LMNTD1: variants seen among roughly 807,000 people sequenced by gnomAD.
LMNTD1 encodes lamin tail domain-containing protein 1.
LMNTD1 carries 35 observed loss-of-function variants against 50.9 expected under a neutral mutation model. That is an observed-to-expected ratio of 0.69 (90% CI 0.53 to 0.91). The LOEUF is 0.91. LMNTD1 is among the 40% of genes least tolerant of loss of function. The pLI, the probability that LMNTD1 is intolerant of heterozygous loss-of-function variation, is 0.00. For missense variants in LMNTD1, 470 were observed against 475.5 expected, an observed-to-expected ratio of 0.99 and a Z score of 0.11; for synonymous variants, 153 against 161.9, an observed-to-expected ratio of 0.94 and a Z score of 0.42.
intron 8 of LMNTD1, among the ~76,000 whole-genome samples, chr12:25,508,307 C>T (rs1252445957): frequency 2.0e-5 from 3 of 152,174 alleles, no homozygotes; most frequent in South Asian, 2.1e-4. Context: ...CCAAAGATAA[C>T]GATTATTCTG....
intron 9 of LMNTD1, among the ~76,000 whole-genome samples, chr12:25,481,906 C>CACAT (rs1555206626): frequency 5.7e-4 from 82 of 143,986 alleles, no homozygotes; most frequent in African/African-American, 2.0e-3. Flanking sequence ...CACACACACA[C>CACAT]ATATAGTGAA....
Position 25,491,145 on chromosome 12 carries a change from A to G in LMNTD1, c.*22+12593T>C, listed in dbSNP as rs995584442. Among the ~76,000 whole-genome samples the G allele has an allele frequency of 2.6e-5, 4 of 152,248 alleles. No individual in the cohort carries two copies. The East Asian group carries it at 7.7e-4, about 29-fold the overall frequency. On this transcript the variant is annotated intron_variant, in intron 9 of 9. Transcript: ENST00000458174. Reference sequence around the variant, plus strand: ...CTAGTTCAGTGGCTGATTACCACATAGGTGCTTGATCATTTTTTCCCCTTT... The same window carrying G: ...CTAGTTCAGTGGCTGATTACCACATGGGTGCTTGATCATTTTTTCCCCTTT...
intron 1 of LMNTD1, among the ~76,000 whole-genome samples, chr12:25,620,829 T>C (rs1460889347): frequency 1.3e-5 from 2 of 152,238 alleles, no homozygotes; most frequent in Non-Finnish European, 2.9e-5. Flanking sequence ...TATCTATGAA[T>C]TCTTGCCACA....
intron 1 of LMNTD1, among the ~76,000 whole-genome samples, chr12:25,610,690 C>T (rs1241665060): frequency 6.6e-6 from 1 of 151,944 alleles, no homozygotes; most frequent in Non-Finnish European, 1.5e-5. Context: ...GGAGGGGACC[C>T]AAGGGGTAGA....
intron 4 of LMNTD1, among the ~76,000 whole-genome samples, chr12:25,539,557 T>G (rs1204781195): frequency 2.0e-5 from 3 of 151,690 alleles, no homozygotes; most frequent in Non-Finnish European, 4.4e-5. Flanking sequence ...CCAGAATCTC[T>G]GGGACGCATT....
chr12:25,502,043 T>A (rs7314604), intron 9 of LMNTD1, among the ~76,000 whole-genome samples: 66,674 of 151,880 alleles, frequency 0.44, 15,552 homozygotes, highest in Non-Finnish European at 0.54. Flanking sequence ...CAGATTTTTT[T>A]AAAAAATCAA....
chr12:25,551,388 C>A (rs1245156744), intron 2 of LMNTD1, among the ~76,000 whole-genome samples: 1 of 151,778 alleles, frequency 6.6e-6, no homozygotes, highest in Non-Finnish European at 1.5e-5. Context: ...AAATTTTTTT[C>A]TTTTCTTTTC....
At chr12:25,642,354 AG>A (rs1388654980) in intron 1 of LMNTD1, among the ~76,000 whole-genome samples, 1 of 152,142 alleles carries the variant, frequency 6.6e-6, no homozygotes, top group East Asian at 1.9e-4. Flanking sequence ...TATCTTTATA[AG>A]GGGGTGAGAA....
At chr12:25,549,595 G>T in intron 2 of LMNTD1, 49 bp from the exon 3 acceptor site, 2 of 1,116,354 alleles carry the variant, frequency 1.8e-6, no homozygotes, top group Non-Finnish European at 2.5e-6. Context: ...AAGTAAAAGT[G>T]GCTGTGAATA....
At chr12:25,638,765 TA>T (rs1409606843) in intron 1 of LMNTD1, among the ~76,000 whole-genome samples, 1 of 152,264 alleles carries the variant, frequency 6.6e-6, no homozygotes, top group East Asian at 1.9e-4. Flanking sequence ...TACATTGATC[TA>T]CAAAGTCAAT....
intron 1 of LMNTD1, among the ~76,000 whole-genome samples, chr12:25,619,252 C>CTCTCTCTCTCTCTCTCTCTATA (rs1374134268): frequency 3.6e-5 from 3 of 84,448 alleles, no homozygotes; most frequent in South Asian, 4.1e-4. Flanking sequence ...CTCTCTCTCT[C>CTCTCTCTCTCTCTCTCTCTATA]TATATATATA....
rs199824983 is a variant in LMNTD1 at position 25,520,082 on chromosome 12, A to G, written c.799-7T>C. Reference sequence around the variant, plus strand: ...GGGTGTACCACGCAATGGCCTAATGAAAATGATTTATTAATGTTGGCTATG... The same window carrying G: ...GGGTGTACCACGCAATGGCCTAATGGAAATGATTTATTAATGTTGGCTATG... On this transcript the variant is annotated splice_polypyrimidine_tract_variant and splice_region_variant and intron_variant, in intron 6 of 9. Coordinates refer to ENST00000458174, the MANE Select transcript of LMNTD1 (RefSeq NM_001145728.2). The G allele has an allele frequency of 1.4e-4, 224 of 1,589,136 alleles. No homozygotes were observed. Among genetic ancestry groups the G allele is most frequent in the Non-Finnish European group, 1.8e-4 (204 of 1,162,678 alleles).
At chr12:25,526,714 C>A in intron 5 of LMNTD1, 55 bp downstream of exon 5, 1 of 1,222,708 alleles carries the variant, frequency 8.2e-7, no homozygotes, top group Non-Finnish European at 1.1e-6. Flanking sequence ...CTGTCAGTGT[C>A]AACAAGTTTG....
At chr12:25,628,073 A>T (rs1244864149) in intron 1 of LMNTD1, among the ~76,000 whole-genome samples, 1 of 119,138 alleles carries the variant, frequency 8.4e-6, no homozygotes, top group Non-Finnish European at 1.6e-5. Context: ...GCGCCACTGC[A>T]CTCCAGCCTG....
At chr12:25,530,625 T>C (rs1176792625) in intron 4 of LMNTD1, among the ~76,000 whole-genome samples, 1 of 152,232 alleles carries the variant, frequency 6.6e-6, no homozygotes, top group Non-Finnish European at 1.5e-5. Context: ...CCTGTGTGTA[T>C]GCCAAATGGT....
chr12:25,506,891 T>C (rs922516156), intron 8 of LMNTD1, among the ~76,000 whole-genome samples: 1 of 152,116 alleles, frequency 6.6e-6, no homozygotes, highest in Non-Finnish European at 1.5e-5. Flanking sequence ...TATTTATTTA[T>C]TTTTTGAAAT....
At chr12:25,646,686 A>C (rs967556639) in intron 1 of LMNTD1, among the ~76,000 whole-genome samples, 3 of 152,182 alleles carry the variant, frequency 2.0e-5, no homozygotes, top group African/African-American at 7.2e-5. Context: ...GAGATAGGTC[A>C]CCACCGACTG....
chr12:25,527,683 C>T (rs6144653), intron 4 of LMNTD1, among the ~76,000 whole-genome samples: 2,741 of 17,230 alleles, frequency 0.16, 55 homozygotes, highest in Non-Finnish European at 0.19. Context: ...TATATATATA[C>T]ACACACACAC....
At chr12:25,483,742 A>G (rs1443757106) in intron 9 of LMNTD1, among the ~76,000 whole-genome samples, 1 of 149,214 alleles carries the variant, frequency 6.7e-6, no homozygotes, top group East Asian at 2.0e-4. Flanking sequence ...ACTGTACTCC[A>G]AGCCAGGGCG....
Sources: gnomAD v4.1 joint callset for allele counts (sites outside exome capture counted in the v4.1 genomes callset) on GRCh38, gnomAD v4.1.1 for gene constraint, MANE v1.5 for transcripts, NCBI Gene and HGNC (gene_info 2026-07-23, HGNC 2026-07-21) for gene names.